The following EOGT variants were observed in gnomAD, a reference collection of about 807,000 sequenced individuals.
EOGT encodes EGF domain-specific O-linked N-acetylglucosamine transferase.
EOGT carries 55 observed loss-of-function variants against 70.5 expected under a neutral mutation model. The observed-to-expected ratio is 0.78, with a 90% CI of 0.63 to 0.98. The LOEUF (loss-of-function observed/expected upper bound fraction) is 0.98. Ranked by LOEUF, EOGT falls within the 50% of genes least tolerant of loss-of-function variation. The pLI is 0.00. For missense variants in EOGT, 703 were observed against 641.9 expected (o/e 1.10, Z -1.03); for synonymous variants, 246 against 217.1 (o/e 1.13, Z -1.17).
chr3:69,005,117 G>T, intron 7 of EOGT, 23 bp downstream of exon 7: 4 of 1,257,932 alleles, frequency 3.2e-6, no homozygotes, highest in Non-Finnish European at 4.5e-6. Context: ...TATACTAGAT[G>T]TTAACATTAA....
Position 68,975,408 on chromosome 3 carries a change from AATGT to A in EOGT, c.*2206_*2209del, listed in dbSNP as rs2090449108. Reference sequence around the variant, plus strand: ...CAAATGTATTTTCCTGTTTATATAAAATGTATTCTCTCTTCAAATATAGCCGTTT... The same window carrying A: ...CAAATGTATTTTCCTGTTTATATAAAATTCTCTCTTCAAATATAGCCGTTT... On this transcript the variant is annotated 3_prime_UTR_variant, in exon 18 of 18. Coordinates refer to ENST00000383701, the MANE Select transcript of EOGT (RefSeq NM_001278689.2). 6.5e-6 allele frequency: 1 copy of A among 152,748 alleles called. No homozygotes were observed. Among genetic ancestry groups the A allele is most frequent in the East Asian group, 1.9e-4 (1 of 5,174 alleles). 9.5% of individuals were successfully genotyped at this position (152,748 alleles called of 1,614,324 possible). A position where few individuals can be genotyped will look rare whatever the true frequency, so the allele number is the denominator to read the frequency against.
chr3:69,007,232 G>A lies in EOGT; in HGVS notation c.420+481C>T, dbSNP rs555639262. On this transcript the variant is annotated intron_variant, in intron 6 of 17. Coordinates refer to ENST00000383701, the MANE Select transcript of EOGT (RefSeq NM_001278689.2). ...AAGGAAAGAAAACAACCTATTTGGG[G>A]AAGTTACATAAAATTCTATGCCAAT... is the stretch of plus-strand genomic sequence containing the variant. Among the ~76,000 whole-genome samples the A allele has an allele frequency of 2.6e-5, 4 of 152,312 alleles. No homozygotes were observed. The South Asian group carries it at 8.3e-4, about 32-fold the overall frequency.
At chr3:68,997,332 A>T (rs866286148) in intron 10 of EOGT, among the ~76,000 whole-genome samples, 6 of 152,112 alleles carry the variant, frequency 3.9e-5, no homozygotes, top group Middle Eastern at 3.4e-3. Context: ...AGAGGCAAGC[A>T]CTTCCAACAT....
intron 7 of EOGT, 52 bp downstream of exon 7, chr3:69,005,088 C>G: frequency 1.9e-6 from 2 of 1,044,122 alleles, no homozygotes; most frequent in Non-Finnish European, 2.8e-6. Flanking sequence ...ATCCCTGGAT[C>G]TGAAAATATT....
chr3:69,012,359 G>A (rs1200280967), intron 2 of EOGT, 156 bp downstream of exon 2: 1 of 152,214 alleles, frequency 6.6e-6, no homozygotes, highest in Non-Finnish European at 1.5e-5. Flanking sequence ...GAATCACAGG[G>A]CTACCCACCT....
rs763200452 is a variant in EOGT at position 68,979,778 on chromosome 3, C to T, written c.1224G>A (p.Gly408=). The T allele has an allele frequency of 1.4e-5, 22 of 1,613,100 alleles. No homozygotes were observed. Among genetic ancestry groups the T allele is most frequent in the South Asian group, 9.9e-5 (9 of 91,032 alleles). ...GTGTGATCCTTAGTTGATCTAAAAA[C>T]CCAAGTTCTCTGTGAACATACAGAA... is the stretch of plus-strand genomic sequence containing the variant. ...QIVDYKYREL[G]FLDQLRITHN... Residue 408 remains glycine, a synonymous_variant, in exon 16 of 18, where the codon GGG becomes GGA. Transcript: ENST00000383701.
At chr3:68,997,957 C>T (rs2091196246) in intron 10 of EOGT, 54 bp downstream of exon 10, 10 of 1,032,382 alleles carry the variant, frequency 9.7e-6, no homozygotes, top group Non-Finnish European at 1.0e-5. Flanking sequence ...ATCAGAGTCA[C>T]ACACTGATAC....
chr3:69,007,507 C>CGCGGGGGGG (rs2091464755), intron 6 of EOGT, among the ~76,000 whole-genome samples: 1 of 24,782 alleles, frequency 4.0e-5, no homozygotes, highest in African/African-American at 1.5e-4. Context: ...TAAAAATTAG[C>CGCGGGGGGG]GGGGGGGGGT....
chr3:68,977,877 A>G, intron 17 of EOGT, 113 bp from the exon 18 acceptor site: 1 of 1,110,914 alleles, frequency 9.0e-7, no homozygotes, highest in South Asian at 1.7e-5. Context: ...TCTACATCAG[A>G]GACCAGCAAA....
intron 8 of EOGT, among the ~76,000 whole-genome samples, chr3:69,001,956 C>T (rs1176166734): frequency 6.6e-6 from 1 of 152,188 alleles, no homozygotes; most frequent in East Asian, 1.9e-4. Context: ...CTTTGGGAGG[C>T]AGAGGCAGTC....
At chr3:69,001,543 C>A in intron 9 of EOGT, 65 bp downstream of exon 9, 1 of 1,076,092 alleles carries the variant, frequency 9.3e-7, no homozygotes, top group Non-Finnish European at 1.4e-6. Flanking sequence ...AGAATTACTA[C>A]ATCCAAAAAA....
intron 11 of EOGT, 111 bp from the exon 12 acceptor site, chr3:68,988,688 G>C: frequency 1.4e-6 from 1 of 697,726 alleles, no homozygotes; most frequent in Admixed American, 3.0e-5. Flanking sequence ...TGCATTGCTT[G>C]AATAGCACAC....
At chr3:68,987,384 A>AC (rs1054393955) in intron 14 of EOGT, 61 bp downstream of exon 14, 7 of 1,277,606 alleles carry the variant, frequency 5.5e-6, no homozygotes, top group Non-Finnish European at 7.8e-6. Flanking sequence ...AAAAAAAAAA[A>AC]AACACAATTT....
intron 10 of EOGT, among the ~76,000 whole-genome samples, chr3:68,997,479 C>T (rs1399530300): frequency 5.9e-5 from 9 of 151,974 alleles, no homozygotes; most frequent in Non-Finnish European, 8.8e-5. Context: ...AGTGATTCTC[C>T]GACCACAGCC....
chr3:69,006,284 G>A (rs187564834), intron 6 of EOGT, among the ~76,000 whole-genome samples: 2 of 152,290 alleles, frequency 1.3e-5, no homozygotes, highest in Admixed American at 6.5e-5. Flanking sequence ...CCCTGCGGCC[G>A]TGCAGTTTAA....
intron 4 of EOGT, 92 bp downstream of exon 4, chr3:69,009,545 T>C: frequency 3.2e-6 from 3 of 943,318 alleles, no homozygotes; most frequent in Admixed American, 4.4e-5. Flanking sequence ...AAAATTAGAA[T>C]TCTGCCTTCA....
Position 68,977,452 on chromosome 3 carries a change from G to C in EOGT, c.*166C>G. The C allele has an allele frequency of 1.6e-6, 1 of 642,520 alleles. No homozygotes were observed. The highest frequency in any genetic ancestry group is 2.5e-6 in the Non-Finnish European group (1 of 404,530). The allele number at this position is 642,520 out of a possible 1,614,324, so 39.8% of individuals were successfully genotyped here. On this transcript the variant is annotated 3_prime_UTR_variant, in exon 18 of 18. Coordinates refer to ENST00000383701, the MANE Select transcript of EOGT (RefSeq NM_001278689.2). ...AATAGCAATGACACAAAAACCACATGAAACACTTAACATCTATACAACACA... is the reference window on the plus strand; with the variant it reads ...AATAGCAATGACACAAAAACCACATCAAACACTTAACATCTATACAACACA...
chr3:69,004,717 TC>T (rs1052435182), intron 7 of EOGT, among the ~76,000 whole-genome samples: 11 of 151,854 alleles, frequency 7.2e-5, no homozygotes, highest in African/African-American at 2.7e-4. Flanking sequence ...GAGTCATCCA[TC>T]CCCCCACCCA....
chr3:68,989,261 T>C (rs892064533), intron 10 of EOGT, among the ~76,000 whole-genome samples: 2 of 152,222 alleles, frequency 1.3e-5, no homozygotes, highest in Non-Finnish European at 2.9e-5. Context: ...TTCATTTTTC[T>C]ACCTTAACTT....
Sources: allele counts gnomAD v4.1 joint callset (sites outside exome capture counted in the v4.1 genomes callset), GRCh38; gene constraint gnomAD v4.1.1; transcripts MANE v1.5; gene names NCBI Gene and HGNC (gene_info 2026-07-23, HGNC 2026-07-21).